Variants in IL1RAPL2 observed in about 807,000 individuals in gnomAD.
IL1RAPL2 encodes interleukin 1 receptor accessory protein like 2.
Under a neutral mutation model 44.1 loss-of-function variants are expected in IL1RAPL2, and 3 were observed. The ratio of observed to expected loss-of-function variants is 0.07; its 90% CI spans 0.03 to 0.18. The LOEUF is 0.18. Among genes scored for constraint, IL1RAPL2 ranks in the 10% least tolerant of loss-of-function variants. The pLI, the probability that IL1RAPL2 is intolerant of heterozygous loss-of-function variation, is 1.00. For missense variants in IL1RAPL2, 391 were observed against 496.4 expected, an observed-to-expected ratio of 0.79 and a Z score of 2.02; for synonymous variants, 181 against 178.8, an observed-to-expected ratio of 1.01 and a Z score of -0.10.
chrX:105,290,097 C>G (rs2034601484), intron 5 of IL1RAPL2, among the ~76,000 whole-genome samples: 2 of 111,268 alleles, frequency 1.8e-5, no homozygotes, highest in African/African-American at 6.5e-5. Flanking sequence ...CTGACAGGAT[C>G]CAATCTGGGT....
At chrX:104,616,308 T>C (rs1929277238) in intron 1 of IL1RAPL2, among the ~76,000 whole-genome samples, 1 of 112,443 alleles carries the variant, frequency 8.9e-6, no homozygotes, top group Non-Finnish European at 1.9e-5. Context: ...AGATCTAACT[T>C]AATCAACTCC....
chrX:105,140,006 T>C, intron 2 of IL1RAPL2, among the ~76,000 whole-genome samples: 1 of 111,663 alleles, frequency 9.0e-6, no homozygotes, highest in East Asian at 2.8e-4. Context: ...TCAGTTACCA[T>C]CAGGCATCGA....
At position 105,388,356 on chromosome X, in the gene IL1RAPL2, A is replaced by ATTTTTTTTTTTTTTTTTTTTTTTTT. The variant is rs772573698; in HGVS notation, c.698-95952_698-95928dup. Reference sequence around the variant, plus strand: ...CAAACCAAATATTTTACCAAAGCAGATTTTTTTTTTTTTTTTTTTTTTTTT... The same window carrying ATTTTTTTTTTTTTTTTTTTTTTTTT: ...CAAACCAAATATTTTACCAAAGCAGATTTTTTTTTTTTTTTTTTTTTTTTTTTTTTTTTTTTTTTTTTTTTTTTTT... On this transcript the variant is annotated intron_variant, in intron 5 of 10. Transcript: ENST00000372582. Among the ~76,000 whole-genome samples, 8 of 61,269 alleles carry ATTTTTTTTTTTTTTTTTTTTTTTTT rather than the reference A, an allele frequency of 1.3e-4. 1 individual carries two copies. The highest frequency in any genetic ancestry group is 8.2e-4 in the African/African-American group (8 of 9,702). The allele number at this position is 61,269 out of a possible 115,157, so 53.2% of individuals were successfully genotyped here.
intron 2 of IL1RAPL2, among the ~76,000 whole-genome samples, chrX:105,186,863 A>G (rs950616345): frequency 1.8e-5 from 2 of 112,041 alleles, no homozygotes; most frequent in African/African-American, 3.2e-5. Context: ...TAAAATGGCT[A>G]TTACCAAAAT....
At chrX:105,319,496 G>A (rs906984993) in intron 5 of IL1RAPL2, among the ~76,000 whole-genome samples, 1 of 111,725 alleles carries the variant, frequency 9.0e-6, no homozygotes, top group African/African-American at 3.3e-5. Flanking sequence ...TTCACTCATT[G>A]TGATAGGAAT....
intron 2 of IL1RAPL2, among the ~76,000 whole-genome samples, chrX:104,949,179 C>G (rs1451517935): frequency 3.7e-5 from 4 of 109,172 alleles, no homozygotes; most frequent in African/African-American, 1.3e-4. Flanking sequence ...TTATCCATTT[C>G]TTCTAGATTT....
At chrX:104,707,161 G>A (rs767014414) in intron 2 of IL1RAPL2, among the ~76,000 whole-genome samples, 5 of 111,166 alleles carry the variant, frequency 4.5e-5, no homozygotes, top group African/African-American at 1.3e-4. Context: ...AGATATCACC[G>A]AATCTGTCAG....
At chrX:104,939,246 G>A (rs1925102263) in intron 2 of IL1RAPL2, among the ~76,000 whole-genome samples, 2 of 110,151 alleles carry the variant, frequency 1.8e-5, no homozygotes, top group African/African-American at 6.6e-5. Context: ...TAGTAGAGAC[G>A]GGGTTTCGCC....
At chrX:105,435,415 G>T (rs1028573400) in intron 5 of IL1RAPL2, among the ~76,000 whole-genome samples, 1 of 111,531 alleles carries the variant, frequency 9.0e-6, no homozygotes, top group East Asian at 2.8e-4. Flanking sequence ...AGGCTGTGGA[G>T]AAATAGGAAT....
chrX:104,970,959 C>G (rs942310618), intron 2 of IL1RAPL2, among the ~76,000 whole-genome samples: 3 of 112,022 alleles, frequency 2.7e-5, no homozygotes, highest in African/African-American at 9.7e-5. Flanking sequence ...CCAGCATTGT[C>G]TTTACCTAGA....
chrX:105,680,242 G>A (rs1445682388), intron 6 of IL1RAPL2, among the ~76,000 whole-genome samples: 3 of 111,437 alleles, frequency 2.7e-5, no homozygotes, highest in Non-Finnish European at 5.7e-5. Flanking sequence ...CTTGTGGTCC[G>A]CCCGCCTCGT....
chrX:105,437,198 A>G (rs371778315), intron 5 of IL1RAPL2, among the ~76,000 whole-genome samples: 3 of 110,123 alleles, frequency 2.7e-5, no homozygotes, highest in East Asian at 5.7e-4. Flanking sequence ...CTACATTTAC[A>G]TGTCAGGTTT....
intron 2 of IL1RAPL2, among the ~76,000 whole-genome samples, chrX:104,876,530 C>T (rs1192085305): frequency 9.1e-6 from 1 of 110,330 alleles, no homozygotes; most frequent in Non-Finnish European, 1.9e-5. Flanking sequence ...TAGTTTGCTA[C>T]TTCTAAGGTA....
chrX:105,521,635 CTTTG>C (rs1428826981), intron 6 of IL1RAPL2, among the ~76,000 whole-genome samples: 4 of 111,913 alleles, frequency 3.6e-5, no homozygotes, highest in African/African-American at 1.3e-4. Context: ...GGGCTTCCCC[CTTTG>C]TTTGGCACTT....
At chrX:105,285,916 A>C (rs1405516056) in intron 5 of IL1RAPL2, among the ~76,000 whole-genome samples, 1 of 111,777 alleles carries the variant, frequency 8.9e-6, no homozygotes, top group Non-Finnish European at 1.9e-5. Context: ...TAACTCTTAG[A>C]ATATATGTCA....
intron 6 of IL1RAPL2, among the ~76,000 whole-genome samples, chrX:105,677,655 A>AT (rs1268893325): frequency 3.6e-5 from 4 of 111,095 alleles, no homozygotes; most frequent in South Asian, 3.8e-4. Flanking sequence ...GATCTGAAAG[A>AT]TTTTTTTTGG....
chrX:104,941,188 C>T (rs1442238617), intron 2 of IL1RAPL2, among the ~76,000 whole-genome samples: 1 of 110,724 alleles, frequency 9.0e-6, no homozygotes, highest in African/African-American at 3.3e-5. Context: ...TTTATAGCAG[C>T]ATGATTTATA....
In IL1RAPL2 at chrX:105,029,220, ATTTTATT is replaced by A. The variant is rs1222155961; in HGVS notation, c.83-166239_83-166233del. 3.2e-3 allele frequency among the ~76,000 whole-genome samples: 328 copies of A among 103,740 alleles called. 1 individual carries two copies. The highest frequency in any genetic ancestry group is 0.01 in the African/African-American group (296 of 28,787). The allele number at this position is 103,740 out of a possible 115,157, so 90.1% of individuals were successfully genotyped here. A position where few individuals can be genotyped will look rare whatever the true frequency, so the allele number is the denominator to read the frequency against. On this transcript the variant is annotated intron_variant, in intron 2 of 10. Coordinates refer to ENST00000372582, the MANE Select transcript of IL1RAPL2 (RefSeq NM_017416.2). Reference sequence around the variant, plus strand: ...TTTTTTTTTTAGTTGAGGTCTTTTTATTTTATTTTTTATTTTTTATTTATTTATTTTT... The same window carrying A: ...TTTTTTTTTTAGTTGAGGTCTTTTTATTTTATTTTTTATTTATTTATTTTT...
chrX:104,983,573 A>G lies in IL1RAPL2; in HGVS notation c.83-211902A>G, dbSNP rs1321782084. On this transcript the variant is annotated intron_variant, in intron 2 of 10. Coordinates refer to ENST00000372582, the MANE Select transcript of IL1RAPL2 (RefSeq NM_017416.2). Reference sequence around the variant, plus strand: ...TTATAGACATATTATATATTATATTATAGACATAATATATAATATATTATA... The same window carrying G: ...TTATAGACATATTATATATTATATTGTAGACATAATATATAATATATTATA... Among the ~76,000 whole-genome samples, 20 of 73,964 alleles carry G rather than the reference A, an allele frequency of 2.7e-4. 1 individual carries two copies. The highest frequency in any genetic ancestry group is 1.7e-4 in the Admixed American group (1 of 5,931). 64.2% of individuals were successfully genotyped at this position (73,964 alleles called of 115,157 possible).
Sources: gnomAD v4.1 joint callset for allele counts (sites outside exome capture counted in the v4.1 genomes callset) on GRCh38, gnomAD v4.1.1 for gene constraint, MANE v1.5 for transcripts, NCBI Gene and HGNC (gene_info 2026-07-23, HGNC 2026-07-21) for gene names.